Variants in PKIA observed in about 807,000 individuals in gnomAD.
PKIA encodes the protein cAMP-dependent protein kinase inhibitor alpha, also known as PKI-alpha.
A neutral mutation model predicts 7.6 loss-of-function variants in PKIA; 4 were observed. The observed-to-expected ratio is 0.52, with a 90% CI of 0.26 to 1.20. The LOEUF (loss-of-function observed/expected upper bound fraction) is 1.20, where lower values mean the gene tolerates loss of function less well. Among genes scored for constraint, PKIA ranks in the 50% most tolerant of loss-of-function variants. PKIA has a pLI of 0.13. For synonymous variants in PKIA, 21 were observed against 30.7 expected, an observed-to-expected ratio of 0.68 and a Z score of 1.04; for missense variants, 73 against 86.2, an observed-to-expected ratio of 0.85 and a Z score of 0.61.
At chr8:78,521,392 G>A (rs1809413890) in intron 1 of PKIA, among the ~76,000 whole-genome samples, 1 of 151,966 alleles carries the variant, frequency 6.6e-6, no homozygotes, top group East Asian at 1.9e-4. Context: ...TATCATTTTA[G>A]ATTCATAAAA....
At chr8:78,548,461 C>T (rs979397800) in intron 1 of PKIA, among the ~76,000 whole-genome samples, 1 of 152,048 alleles carries the variant, frequency 6.6e-6, no homozygotes, top group Non-Finnish European at 1.5e-5. Flanking sequence ...TCTTTGCATA[C>T]CTAGCTCTTA....
At chr8:78,520,182 C>T (rs1809390322) in intron 1 of PKIA, among the ~76,000 whole-genome samples, 1 of 151,728 alleles carries the variant, frequency 6.6e-6, no homozygotes, top group Non-Finnish European at 1.5e-5. Flanking sequence ...ACCTACACTC[C>T]TCTACCAGCC....
At chr8:78,584,136 G>T (rs1807890616) in intron 2 of PKIA, among the ~76,000 whole-genome samples, 1 of 151,916 alleles carries the variant, frequency 6.6e-6, no homozygotes, top group Non-Finnish European at 1.5e-5. Flanking sequence ...GATTAACCCT[G>T]TTCTACAATT....
chr8:78,548,376 G>C (rs530427976), intron 1 of PKIA, among the ~76,000 whole-genome samples: 17 of 152,214 alleles, frequency 1.1e-4, no homozygotes, highest in African/African-American at 4.1e-4. Context: ...TCAATGTAAA[G>C]ACCCAATCTA....
At chr8:78,574,862 A>C (rs1807636953) in intron 2 of PKIA, among the ~76,000 whole-genome samples, 1 of 151,882 alleles carries the variant, frequency 6.6e-6, no homozygotes, top group Non-Finnish European at 1.5e-5. Context: ...ATTTTTTTTA[A>C]AATTTCTACA....
At chr8:78,571,222 T>G (rs1227754129) in intron 1 of PKIA, among the ~76,000 whole-genome samples, 1 of 152,052 alleles carries the variant, frequency 6.6e-6, no homozygotes, top group Non-Finnish European at 1.5e-5. Context: ...GACCTTTGAT[T>G]TGATTTAATA....
chr8:78,544,982 T>C (rs1383149248), intron 1 of PKIA, among the ~76,000 whole-genome samples: 2 of 152,244 alleles, frequency 1.3e-5, no homozygotes, highest in Non-Finnish European at 2.9e-5. Flanking sequence ...ATATATTCTT[T>C]ATTATTAAAG....
chr8:78,598,485 A>G lies in PKIA; in HGVS notation c.101A>G (p.Asn34Ser). 1 of 1,611,980 alleles carries G rather than the reference A, an allele frequency of 6.2e-7. No individual in the cohort carries two copies. The highest frequency in any genetic ancestry group is 1.1e-5 in the South Asian group (1 of 90,820). Residue 34 changes from asparagine (N) to serine (S), a missense_variant, in exon 3 of 4, where the codon AAC (asparagine) becomes AGC (serine). Asn to Ser is a conservative substitution (Grantham distance 46, BLOSUM62 1). Transcript: ENST00000396418. ...HDILVSSASG[N>S]SNELALKLAG... is the part of the protein sequence containing the mutation. ...ATCCTGGTTTCCTCTGCAAGTGGCA[A>G]CAGCAATGAATTAGCCTTGAAATTA...
chr8:78,600,856 T>C (rs1267167151), intron 3 of PKIA, among the ~76,000 whole-genome samples: 2 of 152,068 alleles, frequency 1.3e-5, no homozygotes, highest in African/African-American at 4.8e-5. Context: ...GTCCAAAGAA[T>C]AGGCCATCCA....
chr8:78,536,257 C>A (rs1289297758), intron 1 of PKIA, among the ~76,000 whole-genome samples: 2 of 151,978 alleles, frequency 1.3e-5, no homozygotes, highest in East Asian at 3.9e-4. Flanking sequence ...CAAATGATAG[C>A]TGTTCCTTAC....
chr8:78,587,624 T>G (rs1220903703), intron 2 of PKIA, among the ~76,000 whole-genome samples: 1 of 152,174 alleles, frequency 6.6e-6, no homozygotes, highest in Non-Finnish European at 1.5e-5. Flanking sequence ...AATTATTCCA[T>G]GCTTTAATTT....
At chr8:78,578,241 G>A (rs189936443) in intron 2 of PKIA, among the ~76,000 whole-genome samples, 26 of 151,924 alleles carry the variant, frequency 1.7e-4, no homozygotes, top group Admixed American at 1.4e-3. Flanking sequence ...TGTTATGATC[G>A]TTTATGAAAT....
intron 1 of PKIA, among the ~76,000 whole-genome samples, chr8:78,517,795 G>A (rs900005046): frequency 3.9e-5 from 6 of 152,170 alleles, no homozygotes; most frequent in African/African-American, 1.4e-4. Context: ...CTGTTATGGG[G>A]ATTGCAAACG....
At chr8:78,561,486 A>C (rs7813940) in intron 1 of PKIA, among the ~76,000 whole-genome samples, 30,863 of 151,376 alleles carry the variant, frequency 0.2, 4,162 homozygotes, top group African/African-American at 0.39. Context: ...CTAGTACAGG[A>C]AGCATATTTT....
chr8:78,571,290 C>T (rs1807540892), intron 1 of PKIA, among the ~76,000 whole-genome samples: 1 of 151,994 alleles, frequency 6.6e-6, no homozygotes, highest in African/African-American at 2.4e-5. Flanking sequence ...ACTGTCAACC[C>T]AGGAACTAAA....
chr8:78,562,579 G>A (rs1807310667), intron 1 of PKIA, among the ~76,000 whole-genome samples: 1 of 152,116 alleles, frequency 6.6e-6, no homozygotes, highest in African/African-American at 2.4e-5. Context: ...CAGCAAGCTT[G>A]TAGCTATCAC....
rs781321143 is a variant in PKIA at position 78,603,947 on chromosome 8, C to T, written c.*2126C>T. ...TGCTAAATTGCAAAGTCATATGGAG[C>T]TTTGGATTTAGTTTGACTTCTTACT... On this transcript the variant is annotated 3_prime_UTR_variant, in exon 4 of 4. Transcript: ENST00000396418. The T allele has an allele frequency of 1.3e-5, 2 of 151,916 alleles. No homozygotes were observed. The highest frequency in any genetic ancestry group is 4.8e-5 in the African/African-American group (2 of 41,386). The allele number at this position is 151,916 out of a possible 1,614,324, so 9.4% of individuals were successfully genotyped here.
intron 1 of PKIA, among the ~76,000 whole-genome samples, chr8:78,571,030 T>C (rs78346360): frequency 0.13 from 20,015 of 152,166 alleles, 1,693 homozygotes; most frequent in South Asian, 0.18. Flanking sequence ...GATGCTAAGA[T>C]AATGATTTTA....
intron 1 of PKIA, among the ~76,000 whole-genome samples, chr8:78,551,181 AAG>A (rs1387773429): frequency 6.6e-6 from 1 of 152,094 alleles, no homozygotes; most frequent in Non-Finnish European, 1.5e-5. Flanking sequence ...ATTACAAAAG[AAG>A]AGTCTTTAGT....
Sources: allele counts gnomAD v4.1 joint callset (sites outside exome capture counted in the v4.1 genomes callset), GRCh38; gene constraint gnomAD v4.1.1; transcripts MANE v1.5; gene names NCBI Gene and HGNC (gene_info 2026-07-23, HGNC 2026-07-21).